The following SNX9 variants were observed in gnomAD, a reference collection of about 807,000 sequenced individuals.
SNX9 encodes the protein sorting nexin 9.
In SNX9, 44 loss-of-function variants were observed where a neutral mutation model predicts 89.4. The observed-to-expected ratio is 0.49, with a 90% CI of 0.39 to 0.63. The LOEUF (loss-of-function observed/expected upper bound fraction) is 0.63. Among genes scored for constraint, SNX9 ranks in the 30% least tolerant of loss-of-function variants. The pLI, the probability that SNX9 is intolerant of heterozygous loss-of-function variation, is 0.00. For synonymous variants in SNX9, 236 were observed against 247.8 expected, an observed-to-expected ratio of 0.95 and a Z score of 0.45; for missense variants, 578 against 736.1, an observed-to-expected ratio of 0.79 and a Z score of 2.49.
rs1191890858 is a variant in SNX9, at chr6:157,927,116, G to A, written c.1086G>A (p.Trp362Ter). ...QFLNFRDEKE[W>*]KTGKRKAERD... ...TACAACATTCTCATTTACAGGAATG[G>A]AAAACTGGAAAGAGGAAGGCCGAGA... The change falls in exon 11 of 18, where the codon TGG becomes TGA. Residue 362 changes from tryptophan (W) to a stop codon, truncating the protein, a stop_gained. Coordinates refer to ENST00000392185, the MANE Select transcript of SNX9 (RefSeq NM_016224.5). LOFTEE classifies it high-confidence loss of function. 6.2e-7 allele frequency: 1 copy of A among 1,613,724 alleles called. No individual in the cohort carries two copies. Among genetic ancestry groups the A allele is most frequent in the East Asian group, 2.2e-5 (1 of 44,868 alleles).
intron 12 of SNX9, among the ~76,000 whole-genome samples, chr6:157,929,471 G>A (rs1783764643): frequency 6.6e-6 from 1 of 152,144 alleles, no homozygotes; most frequent in Admixed American, 6.5e-5. Context: ...TAGAGTCCTA[G>A]GACTTCTCTC....
At chr6:157,830,303 T>TA (rs1283634364) in intron 1 of SNX9, 1 of 152,222 alleles carries the variant, frequency 6.6e-6, no homozygotes, top group Non-Finnish European at 1.5e-5. Context: ...GTATGAAAAT[T>TA]ACCCTGGTCT....
chr6:157,871,934 A>C (rs1782422127), intron 2 of SNX9, among the ~76,000 whole-genome samples: 1 of 151,794 alleles, frequency 6.6e-6, no homozygotes, highest in African/African-American at 2.4e-5. Context: ...GAGCCACTGT[A>C]CCCAGCCTCA....
chr6:157,873,018 A>G (rs745481618), intron 2 of SNX9, 84 bp from the exon 3 acceptor site: 20 of 1,086,838 alleles, frequency 1.8e-5, no homozygotes, highest in Non-Finnish European at 2.4e-5. Flanking sequence ...TTTTTTATGT[A>G]TAACAATTCC....
At chr6:157,941,020 T>C in intron 17 of SNX9, 46 bp downstream of exon 17, 1 of 1,515,046 alleles carries the variant, frequency 6.6e-7, no homozygotes, top group Non-Finnish European at 9.2e-7. Flanking sequence ...GAGGAGAGGG[T>C]TCCTGGTAAA....
At chr6:157,927,271 A>G in intron 11 of SNX9, 57 bp downstream of exon 11, 2 of 1,287,282 alleles carry the variant, frequency 1.6e-6, no homozygotes, top group Non-Finnish European at 2.3e-6. Context: ...TCCTTTGGCC[A>G]TCAGGCTTCA....
In SNX9 at chr6:157,844,587, G is replaced by GTTTTTTTTT. The variant is rs1177648226; in HGVS notation, c.12+21145_12+21153dup. On this transcript the variant is annotated intron_variant, in intron 1 of 17. Coordinates refer to ENST00000392185, the MANE Select transcript of SNX9 (RefSeq NM_016224.5). ...ATTTTTAATCTTGTGGCTAATCCTT[G>GTTTTTTTTT]TTTTTTTTTTTTGTTTTTTTTTTTG... is the stretch of plus-strand genomic sequence containing the variant. Among the ~76,000 whole-genome samples, 809 of 130,162 alleles carry GTTTTTTTTT rather than the reference G, an allele frequency of 6.2e-3. 50 individuals carry two copies. Among genetic ancestry groups the GTTTTTTTTT allele is most frequent in the African/African-American group, 0.023 (744 of 32,790 alleles). 85.4% of individuals were successfully genotyped at this position (130,162 alleles called of 152,430 possible).
intron 10 of SNX9, among the ~76,000 whole-genome samples, chr6:157,923,458 A>G (rs1783625163): frequency 6.6e-6 from 1 of 152,080 alleles, no homozygotes; most frequent in Non-Finnish European, 1.5e-5. Context: ...ATTTACAGTA[A>G]CATCAAAAGT....
chr6:157,943,074 G>C lies in SNX9; in HGVS notation c.*236G>C. ...ACCAGTGGAAATTGTCTCTATTTTT[G>C]GAAAGTACTTAAAAGTTACCAGAAT... On this transcript the variant is annotated 3_prime_UTR_variant, in exon 18 of 18. Transcript: ENST00000392185. The C allele has an allele frequency of 2.6e-6, 1 of 388,514 alleles. No homozygotes were observed. The highest frequency in any genetic ancestry group is 4.2e-5 in the East Asian group (1 of 23,814). 24.1% of individuals were successfully genotyped at this position (388,514 alleles called of 1,614,324 possible). A position where few individuals can be genotyped will look rare whatever the true frequency, so the allele number is the denominator to read the frequency against.
intron 1 of SNX9, among the ~76,000 whole-genome samples, chr6:157,842,266 G>A (rs1272574259): frequency 6.6e-6 from 1 of 152,196 alleles, no homozygotes; most frequent in Admixed American, 6.5e-5. Context: ...GTATGAGTCT[G>A]CCCATGTTAA....
chr6:157,840,902 T>C (rs1382694099), intron 1 of SNX9, among the ~76,000 whole-genome samples: 2 of 152,228 alleles, frequency 1.3e-5, no homozygotes, highest in African/African-American at 4.8e-5. Flanking sequence ...GTTACCGTTA[T>C]GCTGTTCACT....
At chr6:157,918,358 C>T (rs1196109239) in intron 9 of SNX9, among the ~76,000 whole-genome samples, 1 of 152,014 alleles carries the variant, frequency 6.6e-6, no homozygotes, top group Non-Finnish European at 1.5e-5. Flanking sequence ...GAGGTGTCCC[C>T]CATTGTCTCT....
chr6:157,833,758 A>T (rs956992999), intron 1 of SNX9, among the ~76,000 whole-genome samples: 54 of 152,290 alleles, frequency 3.5e-4, no homozygotes, highest in African/African-American at 1.3e-3. Flanking sequence ...CATGACTCAG[A>T]TTTTAGAGTC....
At position 157,859,488 on chromosome 6, in the gene SNX9, C is replaced by G. The variant is rs141302274; in HGVS notation, c.13-8059C>G. 2.4e-3 allele frequency among the ~76,000 whole-genome samples: 363 copies of G among 152,178 alleles called. 2 individuals are homozygous for G. The highest frequency in any genetic ancestry group is 8.3e-3 in the African/African-American group (346 of 41,510). On this transcript the variant is annotated intron_variant, in intron 1 of 17. Coordinates refer to ENST00000392185, the MANE Select transcript of SNX9 (RefSeq NM_016224.5). ...TAGCCTGGTTTATTTAATCAGTTGC[C>G]TGTTAGTAGAAGCTATATTGGGGTA...
intron 13 of SNX9, among the ~76,000 whole-genome samples, chr6:157,935,530 A>G (rs1783905867): frequency 1.3e-5 from 2 of 152,188 alleles, no homozygotes; most frequent in African/African-American, 2.4e-5. Context: ...GGTGCAGGGA[A>G]AAAAGGGGCC....
intron 7 of SNX9, among the ~76,000 whole-genome samples, chr6:157,909,247 T>C (rs539045405): frequency 6.6e-6 from 1 of 152,332 alleles, no homozygotes; most frequent in South Asian, 2.1e-4. Context: ...TTGAGGACAA[T>C]TTGGTATTGT....
chr6:157,935,683 T>A (rs1245782377), intron 13 of SNX9, among the ~76,000 whole-genome samples: 2 of 152,218 alleles, frequency 1.3e-5, no homozygotes, highest in African/African-American at 2.4e-5. Context: ...ATAATGGTAC[T>A]GCCTCATGTT....
intron 13 of SNX9, among the ~76,000 whole-genome samples, chr6:157,935,287 A>G (rs182846280): frequency 7.9e-5 from 12 of 152,338 alleles, no homozygotes; most frequent in Admixed American, 1.3e-4. Context: ...TCATACTAAA[A>G]TAAAAGATCC....
chr6:157,935,304 T>C (rs76133077), intron 13 of SNX9, among the ~76,000 whole-genome samples: 56 of 152,250 alleles, frequency 3.7e-4, no homozygotes, highest in Middle Eastern at 3.4e-3. Context: ...ATCCAGACAA[T>C]GGTCATTCTA....
Sources: allele counts gnomAD v4.1 joint callset (sites outside exome capture counted in the v4.1 genomes callset), GRCh38; gene constraint gnomAD v4.1.1; transcripts MANE v1.5; gene names NCBI Gene and HGNC (gene_info 2026-07-23, HGNC 2026-07-21).